Variants in HTR7 observed in about 807,000 individuals in gnomAD.
The protein encoded by HTR7 is 5-HT-7.
A neutral mutation model predicts 34.0 loss-of-function variants in HTR7; 16 were observed. The ratio of observed to expected loss-of-function variants is 0.47; its 90% CI spans 0.32 to 0.71. HTR7 has a LOEUF of 0.71. Among genes scored for constraint, HTR7 ranks in the 30% least tolerant of loss-of-function variants. The pLI, the probability that HTR7 is intolerant of heterozygous loss-of-function variation, is 0.04. For missense variants in HTR7, 504 were observed against 625.5 expected (o/e 0.81, Z 2.07); for synonymous variants, 265 against 260.2 (o/e 1.02, Z -0.18).
At chr10:90,830,507 C>T (rs1846150841) in intron 1 of HTR7, among the ~76,000 whole-genome samples, 1 of 152,178 alleles carries the variant, frequency 6.6e-6, no homozygotes, top group African/African-American at 2.4e-5. Flanking sequence ...ATTTGGCCAG[C>T]CAGGCGCAGT....
chr10:90,846,747 C>T (rs1273429375), intron 1 of HTR7, among the ~76,000 whole-genome samples: 1 of 152,228 alleles, frequency 6.6e-6, no homozygotes, highest in Non-Finnish European at 1.5e-5. Context: ...AACATGGCCA[C>T]ATCTAGCTGT....
chr10:90,797,500 G>C (rs1845558635), intron 1 of HTR7, among the ~76,000 whole-genome samples: 1 of 152,138 alleles, frequency 6.6e-6, no homozygotes, highest in Non-Finnish European at 1.5e-5. Context: ...GAGTTTCAAT[G>C]TTATTCTGTA....
In HTR7 at chr10:90,857,091, G is replaced by T. The variant is rs1846592966; in HGVS notation, c.539+42C>A. On this transcript the variant is annotated intron_variant, in intron 1 of 3. Coordinates refer to ENST00000336152, the MANE Select transcript of HTR7 (RefSeq NM_019859.4). The surrounding 1 kb of genome is among the most constrained non-coding windows in gnomAD (Gnocchi z 6.5). ...AGCGCGCGGGGCTGAGCTGCCAGCC[G>T]GTCCCCAGCCGGAGCCTGGGACGGG... is the stretch of plus-strand genomic sequence containing the variant. 4 of 1,485,336 alleles carry T rather than the reference G, an allele frequency of 2.7e-6. No homozygotes were observed. Among genetic ancestry groups the T allele is most frequent in the African/African-American group, 1.4e-5 (1 of 71,238 alleles). The allele number at this position is 1,485,336 out of a possible 1,614,324, so 92.0% of individuals were successfully genotyped here.
chr10:90,846,667 T>C, intron 1 of HTR7, among the ~76,000 whole-genome samples: 1 of 152,192 alleles, frequency 6.6e-6, no homozygotes, highest in East Asian at 1.9e-4. Flanking sequence ...CACACCAATT[T>C]TCTTGAAGGC....
chr10:90,797,957 A>G (rs886938207), intron 1 of HTR7, among the ~76,000 whole-genome samples: 2 of 152,192 alleles, frequency 1.3e-5, no homozygotes, highest in Non-Finnish European at 2.9e-5. Context: ...AGAGGGTAAA[A>G]GAGGGCAAGA....
chr10:90,837,518 C>T (rs993831774), intron 1 of HTR7, among the ~76,000 whole-genome samples: 9 of 152,228 alleles, frequency 5.9e-5, no homozygotes, highest in Admixed American at 5.9e-4. Context: ...CTCTCTGGCT[C>T]TTGCCCTCTC....
intron 1 of HTR7, among the ~76,000 whole-genome samples, chr10:90,807,539 C>G (rs933401643): frequency 7.2e-5 from 11 of 152,300 alleles, no homozygotes; most frequent in Admixed American, 7.2e-4. Context: ...ACCTTGCAAC[C>G]CCTACGCCTG....
At chr10:90,787,997 C>T (rs145846026) in intron 1 of HTR7, among the ~76,000 whole-genome samples, 14 of 152,034 alleles carry the variant, frequency 9.2e-5, no homozygotes, top group Admixed American at 5.2e-4. Flanking sequence ...GGGTCCGGTT[C>T]GTAAGTGTTA....
intron 1 of HTR7, among the ~76,000 whole-genome samples, chr10:90,756,904 T>A (rs1250344607): frequency 1.3e-5 from 2 of 152,126 alleles, no homozygotes; most frequent in Admixed American, 6.5e-5. Context: ...TAGACAATTA[T>A]ACAAAGTCAT....
At chr10:90,801,374 C>T (rs1845623646) in intron 1 of HTR7, among the ~76,000 whole-genome samples, 1 of 152,130 alleles carries the variant, frequency 6.6e-6, no homozygotes, top group Non-Finnish European at 1.5e-5. Context: ...ACTAAAACTC[C>T]ATAGTTGCAG....
At chr10:90,814,831 A>C (rs909671517) in intron 1 of HTR7, among the ~76,000 whole-genome samples, 2 of 152,146 alleles carry the variant, frequency 1.3e-5, no homozygotes, top group Admixed American at 6.5e-5. Context: ...TATTCCCTTT[A>C]CCCTAGATTG....
At chr10:90,840,695 A>G (rs1846316485) in intron 1 of HTR7, among the ~76,000 whole-genome samples, 1 of 152,258 alleles carries the variant, frequency 6.6e-6, no homozygotes, top group South Asian at 2.1e-4. Flanking sequence ...AATAAGTGTA[A>G]CAGCTCACAT....
chr10:90,837,026 G>C (rs1383757802), intron 1 of HTR7, among the ~76,000 whole-genome samples: 1 of 152,174 alleles, frequency 6.6e-6, no homozygotes, highest in Non-Finnish European at 1.5e-5. Context: ...CCAGTCCTGT[G>C]AGAACCTTGG....
At chr10:90,814,785 G>A (rs889705593) in intron 1 of HTR7, among the ~76,000 whole-genome samples, 2 of 152,200 alleles carry the variant, frequency 1.3e-5, no homozygotes. Context: ...AAGGGATTTT[G>A]CTAGTTCCCC....
At chr10:90,847,654 G>A (rs1846429530) in intron 1 of HTR7, among the ~76,000 whole-genome samples, 1 of 152,166 alleles carries the variant, frequency 6.6e-6, no homozygotes, top group Non-Finnish European at 1.5e-5. Context: ...CAAGGCTTCA[G>A]CCAGATACCA....
In HTR7 at chr10:90,743,704, C is replaced by T. The variant is rs1281893203; in HGVS notation, c.1296-14G>A. The T allele has an allele frequency of 4.5e-6, 7 of 1,568,082 alleles. No individual in the cohort carries two copies. Among genetic ancestry groups the T allele is most frequent in the Admixed American group, 1.7e-5 (1 of 59,756 alleles). On this transcript the variant is annotated splice_polypyrimidine_tract_variant and intron_variant, in intron 2 of 3. Transcript: ENST00000336152. ...GTGCAGGCCCTCCTGCAATTTATGG[C>T]AATTCAAAGCAAATCCATAAGTAAA...
Position 90,761,307 on chromosome 10 carries a change from CTAAAA to C in HTR7, c.540-11718_540-11714del, listed in dbSNP as rs528184802. Among the ~76,000 whole-genome samples the C allele has an allele frequency of 1.1e-4, 16 of 152,282 alleles. No homozygotes were observed. In the South Asian group the frequency reaches 3.3e-3, roughly 32 times the overall value. ...GTTTTCAAAAAATTAAAGAATTACTCTAAAATACTGCAAAGCTTTATTTTTTCTTT... is the reference window on the plus strand; with the variant it reads ...GTTTTCAAAAAATTAAAGAATTACTCTACTGCAAAGCTTTATTTTTTCTTT... On this transcript the variant is annotated intron_variant, in intron 1 of 3. Transcript: ENST00000336152.
At chr10:90,746,771 C>A (rs1311195647) in intron 2 of HTR7, among the ~76,000 whole-genome samples, 1 of 152,152 alleles carries the variant, frequency 6.6e-6, no homozygotes, top group Admixed American at 6.6e-5. Context: ...CTAATCCTCA[C>A]CAGTTCCCTA....
intron 1 of HTR7, among the ~76,000 whole-genome samples, chr10:90,776,121 A>G (rs902998032): frequency 6.6e-6 from 1 of 152,344 alleles, no homozygotes; most frequent in African/African-American, 2.4e-5. Flanking sequence ...TCCAATTTTT[A>G]AAAGCCCCAC....
Sources: gnomAD v4.1 joint callset for allele counts (sites outside exome capture counted in the v4.1 genomes callset) on GRCh38, gnomAD v4.1.1 for gene constraint, Gnocchi (gnomAD v3.1) non-coding constraint, MANE v1.5 for transcripts, NCBI Gene and HGNC (gene_info 2026-07-23, HGNC 2026-07-21) for gene names.